Variants in TMEM40 observed in about 807,000 individuals in gnomAD.
TMEM40 encodes transmembrane protein 40.
In TMEM40, 34 loss-of-function variants were observed where a neutral mutation model predicts 40.8. The observed-to-expected ratio is 0.83, with a 90% CI of 0.63 to 1.11. The LOEUF is 1.11. TMEM40 is among the 50% of genes least tolerant of loss of function. TMEM40 has a pLI of 0.00. For missense variants in TMEM40, 296 were observed against 280.2 expected (o/e 1.06, Z -0.40); for synonymous variants, 106 against 107.0 (o/e 0.99, Z 0.06).
chr3:12,767,820 T>C (rs2061600986), intron 1 of TMEM40, among the ~76,000 whole-genome samples: 1 of 152,114 alleles, frequency 6.6e-6, no homozygotes, highest in Non-Finnish European at 1.5e-5. Context: ...GGGGCTAGTT[T>C]GTGTCCAGCA....
chr3:12,741,969 C>T (rs975552989), intron 5 of TMEM40, among the ~76,000 whole-genome samples: 25 of 152,208 alleles, frequency 1.6e-4, no homozygotes, highest in Middle Eastern at 3.4e-3. Flanking sequence ...CGGTGGCTCA[C>T]GCCTGTAATC....
intron 1 of TMEM40, among the ~76,000 whole-genome samples, chr3:12,755,378 C>T (rs984938750): frequency 7.3e-5 from 11 of 151,538 alleles, no homozygotes; most frequent in Non-Finnish European, 1.0e-4. Context: ...TGACCTTGAG[C>T]AATTCTCCTG....
At chr3:12,734,871 C>G in intron 11 of TMEM40, 78 bp from the exon 12 acceptor site, 1 of 1,519,022 alleles carries the variant, frequency 6.6e-7, no homozygotes, top group East Asian at 2.4e-5. Flanking sequence ...CTCAGATGCC[C>G]AAGTACCCCT....
rs531510852 is a variant in TMEM40, at chr3:12,738,715, G to C, written c.356-127C>G. On this transcript the variant is annotated intron_variant, in intron 5 of 11. Transcript: ENST00000314124. ...ATCTGGAGTCGGCCAGGTGGGGAAT[G>C]GAGCCGGCTGGAGGGTTCCTGTTCC... is the stretch of plus-strand genomic sequence containing the variant. The C allele has an allele frequency of 3.9e-4, 358 of 927,048 alleles. 3 individuals carry two copies. Among genetic ancestry groups the C allele is most frequent in the South Asian group, 3.5e-3 (246 of 70,666 alleles). 57.4% of individuals were successfully genotyped at this position (927,048 alleles called of 1,614,324 possible). A position where few individuals can be genotyped will look rare whatever the true frequency, so the allele number is the denominator to read the frequency against.
chr3:12,741,957 C>T (rs951526741), intron 5 of TMEM40, among the ~76,000 whole-genome samples: 1 of 151,790 alleles, frequency 6.6e-6, no homozygotes. Flanking sequence ...ATTGGCCGGG[C>T]GCGGTGGCTC....
upstream of TMEM40, among the ~76,000 whole-genome samples, chr3:12,761,417 C>T (rs971904426): frequency 6.6e-6 from 1 of 152,028 alleles, no homozygotes; most frequent in African/African-American, 2.4e-5. Context: ...CCGGCCTGGC[C>T]AACATGGTGA....
upstream of TMEM40, among the ~76,000 whole-genome samples, chr3:12,764,115 T>C (rs1399593874): frequency 1.3e-5 from 2 of 152,010 alleles, no homozygotes; most frequent in African/African-American, 4.8e-5. Context: ...GGTCTCACCA[T>C]GTTGGCCAGG....
At chr3:12,760,527 C>T (rs562628791), upstream of TMEM40, among the ~76,000 whole-genome samples, 21 of 152,012 alleles carry the variant, frequency 1.4e-4, no homozygotes, top group South Asian at 4.4e-3. Context: ...GCCACCTGGC[C>T]CCCCGCTCAC....
At chr3:12,739,629 C>T (rs1357258328) in intron 5 of TMEM40, among the ~76,000 whole-genome samples, 1 of 151,368 alleles carries the variant, frequency 6.6e-6, no homozygotes, top group African/African-American at 2.4e-5. Context: ...TTATGTTGCC[C>T]AGGCTGGTCT....
Position 12,738,568 on chromosome 3 carries a change from G to T in TMEM40, c.376C>A (p.Pro126Thr), listed in dbSNP as rs759461512. 6 of 1,613,992 alleles carry T rather than the reference G, an allele frequency of 3.7e-6. No individual in the cohort carries two copies. Among genetic ancestry groups the T allele is most frequent in the Middle Eastern group, 1.6e-4 (1 of 6,062 alleles). ...LYGDAPGEVVPSGESGLRRRG... is the reference protein window; with the variant it reads ...LYGDAPGEVVTSGESGLRRRG... ...GGACACTCACCTGATTCCCCAGAGG[G>T]TACCACCTCTCCAGGAGCATCTGCA... is the stretch of plus-strand genomic sequence containing the variant. Residue 126 changes from proline to threonine, a missense_variant, in exon 6 of 12, where the codon CCC becomes ACC. By Grantham distance (38) the Pro-to-Thr change is conservative. Coordinates refer to ENST00000314124, the MANE Select transcript of TMEM40 (RefSeq NM_018306.4).
chr3:12,749,627 C>T, intron 2 of TMEM40, 133 bp downstream of exon 2: 1 of 736,096 alleles, frequency 1.4e-6, no homozygotes, highest in Non-Finnish European at 2.3e-6. Context: ...TGTAAAACCA[C>T]TACTTCCCCA....
chr3:12,767,554 T>A (rs1055629525), intron 1 of TMEM40, among the ~76,000 whole-genome samples: 6 of 152,134 alleles, frequency 3.9e-5, no homozygotes, highest in African/African-American at 1.4e-4. Flanking sequence ...TGAAGTAACG[T>A]ACCCATCAGA....
At chr3:12,745,431 C>G (rs189166884) in intron 3 of TMEM40, among the ~76,000 whole-genome samples, 3 of 151,986 alleles carry the variant, frequency 2.0e-5, no homozygotes, top group Admixed American at 6.6e-5. Flanking sequence ...ATTGTTTTAG[C>G]TTTCTCTGTG....
In TMEM40 at chr3:12,742,490, G is replaced by T. The variant is rs1362468360; in HGVS notation, c.319C>A (p.Pro107Thr). 13 of 1,613,802 alleles carry T rather than the reference G, an allele frequency of 8.1e-6. No individual in the cohort carries two copies. The highest frequency in any genetic ancestry group is 1.0e-5 in the Non-Finnish European group (12 of 1,179,844). ...TGAAGCTCATCCTTCAAAACGTCAG[G>T]CTCCCCATGCCCAGGACCTGGATGG... is the stretch of plus-strand genomic sequence containing the variant. The part of the protein sequence containing the change: ...NGSPGPGHGE[P>T]DVLKDELQLY... The change falls in exon 5 of 12, where the codon CCT (proline) becomes ACT (threonine). Residue 107 changes from proline to threonine, a missense_variant. Transcript: ENST00000314124.
At chr3:12,759,164 T>G (rs2061551544) in intron 1 of TMEM40, 27 bp downstream of exon 1, 1 of 152,660 alleles carries the variant, frequency 6.6e-6, no homozygotes, top group Non-Finnish European at 1.5e-5. Context: ...TCCACCCCAC[T>G]GCTCACCCAG....
intron 1 of TMEM40, among the ~76,000 whole-genome samples, chr3:12,765,324 T>C (rs1214272608): frequency 6.7e-6 from 1 of 148,574 alleles, no homozygotes; most frequent in African/African-American, 2.5e-5. Context: ...TCAAAGTGGA[T>C]TTTTTTTTTT....
At chr3:12,751,173 G>A (rs549913344) in intron 1 of TMEM40, among the ~76,000 whole-genome samples, 8 of 151,174 alleles carry the variant, frequency 5.3e-5, no homozygotes, top group South Asian at 2.1e-4. Flanking sequence ...GGGCCATTGT[G>A]AATGCGTGTT....
At chr3:12,738,711 G>T in intron 5 of TMEM40, 123 bp from the exon 6 acceptor site, 1 of 1,017,362 alleles carries the variant, frequency 9.8e-7, no homozygotes, top group Non-Finnish European at 1.5e-6. Context: ...GCCAGGTGGG[G>T]AATGGAGCCG....
intron 1 of TMEM40, 27 bp from the exon 2 acceptor site, chr3:12,749,867 T>C: frequency 2.5e-6 from 4 of 1,589,588 alleles, no homozygotes; most frequent in Non-Finnish European, 3.4e-6. Flanking sequence ...AATCAGTAGT[T>C]AATATCACCT....
Sources: gnomAD v4.1 joint callset for allele counts (sites outside exome capture counted in the v4.1 genomes callset) on GRCh38, gnomAD v4.1.1 for gene constraint, MANE v1.5 for transcripts, NCBI Gene and HGNC (gene_info 2026-07-23, HGNC 2026-07-21) for gene names.